PAK1: variants seen among roughly 807,000 people sequenced by gnomAD.
The protein encoded by PAK1 is serine/threonine-protein kinase PAK 1.
Under a neutral mutation model 67.4 loss-of-function variants are expected in PAK1, and 29 were observed. The observed-to-expected ratio is 0.43, with a 90% CI of 0.32 to 0.59. The LOEUF (loss-of-function observed/expected upper bound fraction) is 0.59, where lower values mean the gene tolerates loss of function less well. PAK1 is among the 20% of genes least tolerant of loss of function. The probability of loss-of-function intolerance (pLI) is 0.07; values close to 1 mark genes in which losing one functional copy is unlikely to be tolerated. For synonymous variants in PAK1, 223 were observed against 237.4 expected (o/e 0.94, Z 0.56); for missense variants, 337 against 670.7 (o/e 0.50, Z 5.50).
chr11:77,484,377 G>A, the PAK1 span, among the ~76,000 whole-genome samples: 1 of 152,078 alleles, frequency 6.6e-6, no homozygotes, highest in Non-Finnish European at 1.5e-5. Context: ...TGGTTAGATT[G>A]TTCATTAAGC....
chr11:77,332,529 A>G (rs979081810), intron 14 of PAK1, among the ~76,000 whole-genome samples: 17 of 151,464 alleles, frequency 1.1e-4, no homozygotes, highest in African/African-American at 3.6e-4. Context: ...GAACGTGTAG[A>G]GTTTTAACAG....
At position 77,450,672 on chromosome 11, in the gene PAK1, T is replaced by C. The variant is rs114582035; in HGVS notation, c.-22+22880A>G. On this transcript the variant is annotated intron_variant, in intron 1 of 14. Transcript: ENST00000356341. ...TGGCATATCTACTGTGGGTCAGGTG[T>C]TGAAACAGCAGAGGACTTAGACATG... Among the ~76,000 whole-genome samples the C allele has an allele frequency of 5.8e-3, 878 of 152,302 alleles. 20 individuals carry two copies. Among genetic ancestry groups the C allele is most frequent in the African/African-American group, 0.021 (853 of 41,552 alleles).
chr11:77,416,240 A>G (rs905106906), intron 1 of PAK1, among the ~76,000 whole-genome samples: 1 of 152,138 alleles, frequency 6.6e-6, no homozygotes, highest in Admixed American at 6.5e-5. Context: ...CAGCCTCCCA[A>G]AGTGCTAGCA....
intron 2 of PAK1, among the ~76,000 whole-genome samples, chr11:77,381,097 G>A (rs933167241): frequency 6.6e-5 from 10 of 151,788 alleles, no homozygotes; most frequent in African/African-American, 1.9e-4. Flanking sequence ...AAAACAAAAA[G>A]GTCTAGAGTT....
chr11:77,368,877 A>G (rs1947995088), intron 5 of PAK1, among the ~76,000 whole-genome samples: 1 of 152,150 alleles, frequency 6.6e-6, no homozygotes, highest in African/African-American at 2.4e-5. Flanking sequence ...AAATACTTTT[A>G]AGTGAGTATT....
At chr11:77,397,636 C>G (rs1952010434) in intron 1 of PAK1, among the ~76,000 whole-genome samples, 1 of 152,216 alleles carries the variant, frequency 6.6e-6, no homozygotes, top group Admixed American at 6.5e-5. Context: ...ACTTTACATA[C>G]TGAATCAAAG....
chr11:77,399,180 T>C (rs1227443959), intron 1 of PAK1, among the ~76,000 whole-genome samples: 3 of 152,064 alleles, frequency 2.0e-5, no homozygotes, highest in African/African-American at 7.3e-5. Context: ...GATAGATAGG[T>C]AGATAGACAG....
chr11:77,407,156 T>A (rs538225986), intron 1 of PAK1, among the ~76,000 whole-genome samples: 1 of 152,218 alleles, frequency 6.6e-6, no homozygotes, highest in Non-Finnish European at 1.5e-5. Flanking sequence ...TAACAGTAAG[T>A]GGTAGAACCA....
At chr11:77,463,327 T>C (rs1342223146) in intron 1 of PAK1, among the ~76,000 whole-genome samples, 2 of 152,144 alleles carry the variant, frequency 1.3e-5, no homozygotes, top group Non-Finnish European at 2.9e-5. Context: ...AATGGGTATA[T>C]GGGTGTTCAC....
intron 12 of PAK1, among the ~76,000 whole-genome samples, 180 bp downstream of exon 12, chr11:77,337,144 G>T (rs1041144363): frequency 6.6e-6 from 1 of 151,630 alleles, no homozygotes; most frequent in African/African-American, 2.4e-5. Flanking sequence ...ATAAATGAAT[G>T]AAAAAATAAT....
At chr11:77,445,968 A>AT (rs1956580063) in intron 1 of PAK1, among the ~76,000 whole-genome samples, 1 of 152,114 alleles carries the variant, frequency 6.6e-6, no homozygotes, top group Non-Finnish European at 1.5e-5. Context: ...ATTCATCTTT[A>AT]TATCTCCAGT....
upstream of PAK1, among the ~76,000 whole-genome samples, chr11:77,479,409 A>G (rs1958093882): frequency 6.6e-6 from 1 of 152,014 alleles, no homozygotes; most frequent in South Asian, 2.1e-4. Flanking sequence ...GTTTGTGGTA[A>G]TTTGTTGCTG....
At chr11:77,465,935 C>G (rs1957576620) in intron 1 of PAK1, among the ~76,000 whole-genome samples, 1 of 152,120 alleles carries the variant, frequency 6.6e-6, no homozygotes, top group Non-Finnish European at 1.5e-5. Context: ...GATGACAGAG[C>G]AAGACCCTGT....
chr11:77,496,722 C>T, the PAK1 span, among the ~76,000 whole-genome samples: 1 of 152,208 alleles, frequency 6.6e-6, no homozygotes, highest in Non-Finnish European at 1.5e-5. Flanking sequence ...CACTTGAGGT[C>T]AGGAGTTTGA....
Position 77,451,905 on chromosome 11 carries a change from G to C in PAK1, c.-22+21647C>G, listed in dbSNP as rs1389706624. On this transcript the variant is annotated intron_variant, in intron 1 of 14. Coordinates refer to ENST00000356341, the MANE Select transcript of PAK1 (RefSeq NM_002576.5). ...TGAGCCACCACGCCCGACCTCTCTC[G>C]TTAATGTCTTTTGCTACAGGAGCCT... is the stretch of plus-strand genomic sequence containing the variant. 2.0e-5 allele frequency among the ~76,000 whole-genome samples: 3 copies of C among 152,044 alleles called. No individual in the cohort carries two copies. The South Asian group carries it at 6.2e-4, about 32-fold the overall frequency.
intron 14 of PAK1, among the ~76,000 whole-genome samples, chr11:77,331,623 C>T (rs1029918653): frequency 8.6e-5 from 13 of 151,952 alleles, no homozygotes; most frequent in Admixed American, 5.2e-4. Flanking sequence ...CATCACACAC[C>T]CGGGACTGTT....
At chr11:77,482,712 G>C in the PAK1 span, among the ~76,000 whole-genome samples, 1 of 150,944 alleles carries the variant, frequency 6.6e-6, no homozygotes, top group African/African-American at 2.4e-5. Flanking sequence ...TCCCACCTCA[G>C]CCTTCAGCCT....
the PAK1 span, among the ~76,000 whole-genome samples, chr11:77,494,020 G>A: frequency 1.1e-4 from 16 of 152,278 alleles, no homozygotes; most frequent in South Asian, 3.3e-3. Context: ...TACAATTTTG[G>A]TGGAAGTGCA....
At position 77,474,086 on chromosome 11, in the gene PAK1, C is replaced by T. The variant is rs1295308568; in HGVS notation, c.-556G>A. ...GCAGCCTCCCCCGCCCACAGCCGCG[C>T]TATTGTACGCCGCCCGGCAGGCCTG... On this transcript the variant is annotated 5_prime_UTR_variant, in exon 1 of 15. Transcript: ENST00000356341. 1.3e-5 allele frequency: 2 copies of T among 152,380 alleles called. No individual in the cohort carries two copies. The highest frequency in any genetic ancestry group is 4.8e-5 in the African/African-American group (2 of 41,398). The allele number at this position is 152,380 out of a possible 1,614,324, so 9.4% of individuals were successfully genotyped here. A position where few individuals can be genotyped will look rare whatever the true frequency, so the allele number is the denominator to read the frequency against.
Sources: allele counts gnomAD v4.1 joint callset (sites outside exome capture counted in the v4.1 genomes callset), GRCh38; gene constraint gnomAD v4.1.1; transcripts MANE v1.5; gene names NCBI Gene and HGNC (gene_info 2026-07-23, HGNC 2026-07-21).